The following XPO7 variants were observed in gnomAD, a reference collection of about 807,000 sequenced individuals.
XPO7 encodes exportin-7.
A neutral mutation model predicts 144.3 loss-of-function variants in XPO7; 21 were observed. The ratio of observed to expected loss-of-function variants is 0.15; its 90% CI spans 0.10 to 0.21. The LOEUF is 0.21. XPO7 is among the 10% of genes least tolerant of loss of function. The pLI, the probability that XPO7 is intolerant of heterozygous loss-of-function variation, is 1.00. For missense variants in XPO7, 808 were observed against 1,325.8 expected (o/e 0.61, Z 6.06); for synonymous variants, 580 against 499.6 (o/e 1.16, Z -2.15).
chr8:21,991,998 A>G (rs2117384262), intron 19 of XPO7, 24 bp downstream of exon 19: 1 of 1,586,612 alleles, frequency 6.3e-7, no homozygotes, highest in East Asian at 2.2e-5. Context: ...TCACCCAGTA[A>G]TTAATCAGCT....
At chr8:21,992,472 C>G (rs1386858789) in intron 19 of XPO7, among the ~76,000 whole-genome samples, 1 of 152,156 alleles carries the variant, frequency 6.6e-6, no homozygotes, top group East Asian at 1.9e-4. Flanking sequence ...TTTGTGATTT[C>G]TAATTTCCAT....
intron 10 of XPO7, among the ~76,000 whole-genome samples, chr8:21,982,157 G>A (rs7843147): frequency 0.2 from 31,032 of 152,076 alleles, 4,581 homozygotes; most frequent in African/African-American, 0.42. Context: ...GGAACAGGGA[G>A]CTAGACAGAA....
At chr8:21,973,263 T>C (rs886481060) in intron 5 of XPO7, among the ~76,000 whole-genome samples, 1 of 152,244 alleles carries the variant, frequency 6.6e-6, no homozygotes, top group African/African-American at 2.4e-5. Flanking sequence ...GTTTTCCCCT[T>C]TGAAGCTTGG....
rs528524108 is a variant in XPO7 at position 21,981,498 on chromosome 8, T to C, written c.958-233T>C. 8.5e-5 allele frequency among the ~76,000 whole-genome samples: 13 copies of C among 152,288 alleles called. No homozygotes were observed. In the South Asian group the frequency reaches 2.7e-3, roughly 32 times the overall value. On this transcript the variant is annotated intron_variant, in intron 9 of 27. Transcript: ENST00000252512. The stretch of plus-strand genomic sequence containing the variant: ...CATTGAGGCTAATAATGTCATCTCA[T>C]GTGATTATTATTGTGAACATATGAG...
intron 20 of XPO7, 31 bp downstream of exon 20, chr8:21,994,482 A>T (rs1284643534): frequency 1.9e-6 from 3 of 1,588,628 alleles, no homozygotes; most frequent in Non-Finnish European, 2.6e-6. Context: ...AGCACACTAC[A>T]GCCTGCCTTA....
At chr8:22,003,373 G>A in intron 26 of XPO7, 56 bp downstream of exon 26, 2 of 1,376,060 alleles carry the variant, frequency 1.5e-6, no homozygotes. Context: ...CACGCACTTG[G>A]TATCACCAAG....
intron 1 of XPO7, among the ~76,000 whole-genome samples, chr8:21,927,833 C>T (rs1223855852): frequency 6.6e-6 from 1 of 152,214 alleles, no homozygotes; most frequent in Non-Finnish European, 1.5e-5. Flanking sequence ...GCGTGAGCCA[C>T]CGCACCTGGC....
At chr8:21,993,095 G>T (rs1170660640) in intron 19 of XPO7, among the ~76,000 whole-genome samples, 1 of 152,166 alleles carries the variant, frequency 6.6e-6, no homozygotes, top group Admixed American at 6.5e-5. Flanking sequence ...GTATTTTAGA[G>T]TCTGAGATAG....
At chr8:21,991,376 A>G (rs975681918) in intron 18 of XPO7, among the ~76,000 whole-genome samples, 11 of 152,226 alleles carry the variant, frequency 7.2e-5, no homozygotes, top group African/African-American at 2.7e-4. Flanking sequence ...GTTAATAACT[A>G]AAGCTCAGTG....
intron 1 of XPO7, among the ~76,000 whole-genome samples, chr8:21,957,693 C>G (rs139376379): frequency 6.6e-6 from 1 of 152,196 alleles, no homozygotes; most frequent in African/African-American, 2.4e-5. Context: ...AAGAGTTAGA[C>G]TTATCCAATG....
rs534342986 is a variant in XPO7 at position 21,969,586 on chromosome 8, G to T, written c.259+10G>T. Reference sequence around the variant, plus strand: ...CAGCGAATAGATATTCGTAAGTGGAGAATTTTCTGTTCTGTCTTGAAGAAA... The same window carrying T: ...CAGCGAATAGATATTCGTAAGTGGATAATTTTCTGTTCTGTCTTGAAGAAA... On this transcript the variant is annotated intron_variant, in intron 3 of 27. Transcript: ENST00000252512. The T allele has an allele frequency of 1.9e-5, 30 of 1,608,466 alleles. No homozygotes were observed. The South Asian group carries it at 3.2e-4, about 17-fold the overall frequency.
At position 21,981,743 on chromosome 8, in the gene XPO7, C is replaced by G; in HGVS notation, c.970C>G (p.Pro324Ala). The G allele has an allele frequency of 1.9e-6, 3 of 1,613,718 alleles. No individual in the cohort carries two copies. The highest frequency in any genetic ancestry group is 1.7e-6 in the Non-Finnish European group (2 of 1,179,754). ...CTGCTACTGCCAGAGTTTATCAGAC[C>G]CAAACAATTACCATGAGTTTTGCAG... ...ILENPQSLSD[P>A]NNYHEFCRLL... Residue 324 changes from proline (P) to alanine (A), a missense_variant, in exon 10 of 28, where the codon CCA becomes GCA. Pro to Ala is a conservative substitution (Grantham distance 27, BLOSUM62 -1). This residue lies in a region of XPO7 where 223 missense variants were observed against 368.8 expected (regional missense o/e 0.60). Coordinates refer to ENST00000252512, the MANE Select transcript of XPO7 (RefSeq NM_015024.5).
At chr8:21,975,010 G>GT (rs1489588456) in intron 6 of XPO7, among the ~76,000 whole-genome samples, 1 of 152,224 alleles carries the variant, frequency 6.6e-6, no homozygotes, top group Non-Finnish European at 1.5e-5. Flanking sequence ...GTAAAGAGCA[G>GT]TAAGTGAGCA....
intron 1 of XPO7, among the ~76,000 whole-genome samples, chr8:21,934,527 C>G (rs2117255596): frequency 6.6e-6 from 1 of 151,702 alleles, no homozygotes; most frequent in African/African-American, 2.4e-5. Context: ...GAGCGAAACT[C>G]CGTCTCAAAA....
At chr8:21,993,173 C>G (rs1414956180) in intron 19 of XPO7, among the ~76,000 whole-genome samples, 1 of 152,126 alleles carries the variant, frequency 6.6e-6, no homozygotes, top group African/African-American at 2.4e-5. Flanking sequence ...CAACCAATAT[C>G]AAGGATTTAG....
intron 1 of XPO7, among the ~76,000 whole-genome samples, chr8:21,943,002 A>G (rs1264428424): frequency 6.6e-6 from 1 of 152,202 alleles, no homozygotes; most frequent in Non-Finnish European, 1.5e-5. Flanking sequence ...CGTTTTATCC[A>G]CCATTGCCTT....
chr8:21,968,747 CT>C (rs925905363), intron 2 of XPO7, among the ~76,000 whole-genome samples: 3 of 152,198 alleles, frequency 2.0e-5, no homozygotes, highest in African/African-American at 4.8e-5. Flanking sequence ...GCTTCTGAGC[CT>C]GTTCCTGTTT....
intron 1 of XPO7, among the ~76,000 whole-genome samples, chr8:21,951,344 A>G (rs1046657478): frequency 7.9e-5 from 12 of 152,036 alleles, no homozygotes; most frequent in Non-Finnish European, 1.3e-4. Context: ...ATATACCCAC[A>G]TATACTCTTA....
intron 1 of XPO7, among the ~76,000 whole-genome samples, chr8:21,921,143 GATA>G (rs1810269939): frequency 2.6e-5 from 4 of 152,304 alleles, no homozygotes; most frequent in Middle Eastern, 6.8e-3. Context: ...ACAAGGAGAT[GATA>G]ATAATGATAA....
Sources: gnomAD v4.1 joint callset for allele counts (sites outside exome capture counted in the v4.1 genomes callset) on GRCh38, gnomAD v4.1.1 for gene constraint, gnomAD v4.1.1 regional missense constraint, MANE v1.5 for transcripts, NCBI Gene and HGNC (gene_info 2026-07-23, HGNC 2026-07-21) for gene names.